The following JMJD1C variants were observed in gnomAD, a reference collection of about 807,000 sequenced individuals.
JMJD1C encodes the protein jumonji domain-containing protein 1C.
JMJD1C carries 31 observed loss-of-function variants against 245.3 expected under a neutral mutation model. That is an observed-to-expected ratio of 0.13 (90% CI 0.09 to 0.17). The LOEUF is 0.17. Among genes scored for constraint, JMJD1C ranks in the 10% least tolerant of loss-of-function variants. The probability of loss-of-function intolerance (pLI) is 1.00; values close to 1 mark genes in which losing one functional copy is unlikely to be tolerated. For missense variants in JMJD1C, 2,691 were observed against 3,000.2 expected (o/e 0.90, Z 2.41); for synonymous variants, 1,057 against 1,017.4 (o/e 1.04, Z -0.74).
intron 1 of JMJD1C, among the ~76,000 whole-genome samples, chr10:63,386,055 G>A (rs2134548818): frequency 6.6e-6 from 1 of 151,830 alleles, no homozygotes; most frequent in Non-Finnish European, 1.5e-5. Flanking sequence ...TTGGATGCAG[G>A]CTAACCCTAA....
chr10:63,266,482 CACT>C (rs1251871002), intron 2 of JMJD1C, among the ~76,000 whole-genome samples: 2 of 152,128 alleles, frequency 1.3e-5, no homozygotes, highest in African/African-American at 4.8e-5. Context: ...AAGTGTCCAC[CACT>C]ACGTGACCAA....
chr10:63,489,868 A>T (rs1216084979), intron 1 of JMJD1C, among the ~76,000 whole-genome samples: 1 of 152,174 alleles, frequency 6.6e-6, no homozygotes, highest in Non-Finnish European at 1.5e-5. Context: ...GACCAGTACC[A>T]GTCCATGGCT....
intron 5 of JMJD1C, among the ~76,000 whole-genome samples, chr10:63,216,508 A>G (rs1000735790): frequency 5.3e-5 from 8 of 152,056 alleles, no homozygotes; most frequent in African/African-American, 1.9e-4. Flanking sequence ...CAGGAAATCG[A>G]GACCATCCTG....
At chr10:63,432,137 C>A (rs1304112888) in intron 1 of JMJD1C, among the ~76,000 whole-genome samples, 1 of 152,206 alleles carries the variant, frequency 6.6e-6, no homozygotes, top group Non-Finnish European at 1.5e-5. Context: ...TGGAGATGAA[C>A]TTCTGGCAAA....
intron 2 of JMJD1C, among the ~76,000 whole-genome samples, chr10:63,374,799 C>CAAAA (rs1235220791): frequency 6.6e-6 from 1 of 151,836 alleles, no homozygotes; most frequent in Admixed American, 6.6e-5. Context: ...AGATGTTAGG[C>CAAAA]AAAAAAGCAG....
chr10:63,366,168 AAGC>A (rs1473726570), intron 2 of JMJD1C, among the ~76,000 whole-genome samples: 1 of 152,238 alleles, frequency 6.6e-6, no homozygotes, highest in Non-Finnish European at 1.5e-5. Context: ...GACATTCTGG[AAGC>A]AGCAGGAGAC....
rs564802007 is a variant in JMJD1C at position 63,342,122 on chromosome 10, T to C, written c.333+38196A>G. 4.3e-4 allele frequency among the ~76,000 whole-genome samples: 65 copies of C among 152,350 alleles called. No homozygotes were observed. The South Asian group carries it at 9.1e-3, about 21-fold the overall frequency. The stretch of plus-strand genomic sequence containing the variant: ...CTGTCCATCAGTAAGCTAAAGGAAG[T>C]AGATAACGAAGACGACTTTGACACT... On this transcript the variant is annotated intron_variant, in intron 2 of 25. Coordinates refer to ENST00000399262, the MANE Select transcript of JMJD1C (RefSeq NM_032776.3).
intron 1 of JMJD1C, among the ~76,000 whole-genome samples, chr10:63,383,366 C>T (rs1340856324): frequency 6.6e-6 from 1 of 152,122 alleles, no homozygotes; most frequent in East Asian, 1.9e-4. Context: ...AGGAAGAAAT[C>T]CAAGTCAAGG....
intron 1 of JMJD1C, among the ~76,000 whole-genome samples, chr10:63,426,239 G>C (rs910635500): frequency 3.3e-5 from 5 of 151,994 alleles, no homozygotes; most frequent in Non-Finnish European, 5.9e-5. Flanking sequence ...AATTAGCCAG[G>C]TGTGGTGGTG....
chr10:63,476,995 C>CA (rs1564959435), intron 1 of JMJD1C, among the ~76,000 whole-genome samples: 1 of 152,020 alleles, frequency 6.6e-6, no homozygotes, highest in East Asian at 1.9e-4. Context: ...AAACTTTATA[C>CA]AAAAAATTCA....
At chr10:63,499,589 T>C (rs1351958345) in intron 1 of JMJD1C, among the ~76,000 whole-genome samples, 2 of 152,004 alleles carry the variant, frequency 1.3e-5, no homozygotes, top group African/African-American at 2.4e-5. Context: ...AGCAAAGATA[T>C]AATGAAAAAC....
At chr10:63,351,872 T>C (rs370494060) in intron 2 of JMJD1C, among the ~76,000 whole-genome samples, 30 of 152,322 alleles carry the variant, frequency 2.0e-4, no homozygotes, top group East Asian at 5.8e-4. Flanking sequence ...ATTTTAGTGA[T>C]ACAAAAAACT....
At chr10:63,454,487 G>A (rs911341103) in intron 1 of JMJD1C, among the ~76,000 whole-genome samples, 5 of 151,724 alleles carry the variant, frequency 3.3e-5, no homozygotes, top group African/African-American at 1.2e-4. Flanking sequence ...GTAGTGGTAC[G>A]ATCTCAGCTC....
chr10:63,264,603 A>G (rs1855298177), intron 3 of JMJD1C, 48 bp downstream of exon 3: 1 of 812,462 alleles, frequency 1.2e-6, no homozygotes, highest in Non-Finnish European at 2.0e-6. Flanking sequence ...GAATATCAAT[A>G]AAGTTTAATT....
At chr10:63,279,513 G>C (rs1857173060) in intron 2 of JMJD1C, among the ~76,000 whole-genome samples, 1 of 152,222 alleles carries the variant, frequency 6.6e-6, no homozygotes, top group Admixed American at 6.5e-5. Flanking sequence ...AAGAGGCCAA[G>C]GGCCAGGGGC....
chr10:63,281,462 T>G (rs1433148623), intron 2 of JMJD1C, among the ~76,000 whole-genome samples: 28 of 85,702 alleles, frequency 3.3e-4, no homozygotes, highest in African/African-American at 1.6e-3. Context: ...CCTGGCCTTT[T>G]TTTTTTTTTT....
Position 63,207,478 on chromosome 10 carries a change from A to G in JMJD1C, c.4191T>C (p.Asp1397=). Residue 1397 remains aspartate (D), a synonymous_variant, in exon 10 of 26, where the codon GAT becomes GAC. Transcript: ENST00000399262. Reference sequence around the variant, plus strand: ...TAGTATCGGCAGCAGATGTGATTACATCCGTTTTGGTATTACACATCGTAT... The same window carrying G: ...TAGTATCGGCAGCAGATGTGATTACGTCCGTTTTGGTATTACACATCGTAT... ...AVNTMCNTKT[D]VITSAADTTS... is the part of the protein sequence containing the mutation. 6.2e-7 allele frequency: 1 copy of G among 1,614,242 alleles called. No homozygotes were observed. Among genetic ancestry groups the G allele is most frequent in the South Asian group, 1.1e-5 (1 of 91,088 alleles).
chr10:63,168,209 A>T (rs574513403), intron 25 of JMJD1C, 75 bp from the exon 26 acceptor site: 21 of 1,212,300 alleles, frequency 1.7e-5, no homozygotes, highest in African/African-American at 1.1e-4. Context: ...TTCCAGATTT[A>T]AAAAAATAAT....
At chr10:63,478,884 T>C (rs1953743445) in intron 1 of JMJD1C, among the ~76,000 whole-genome samples, 1 of 152,138 alleles carries the variant, frequency 6.6e-6, no homozygotes, top group South Asian at 2.1e-4. Flanking sequence ...GAGGATCACT[T>C]GAGCCCAAGT....
Sources: gnomAD v4.1 joint callset for allele counts (sites outside exome capture counted in the v4.1 genomes callset) on GRCh38, gnomAD v4.1.1 for gene constraint, MANE v1.5 for transcripts, NCBI Gene and HGNC (gene_info 2026-07-23, HGNC 2026-07-21) for gene names.